Variants in PTPRG observed in about 807,000 individuals in gnomAD.
PTPRG encodes protein tyrosine phosphatase receptor type G, also known as receptor-type tyrosine-protein phosphatase gamma.
PTPRG carries 102 observed loss-of-function variants against 165.3 expected under a neutral mutation model. That is an observed-to-expected ratio of 0.62 (90% confidence interval 0.53 to 0.73). The LOEUF (loss-of-function observed/expected upper bound fraction) is 0.73. Ranked by LOEUF, PTPRG falls within the 30% of genes least tolerant of loss-of-function variation. The pLI, the probability that PTPRG is intolerant of heterozygous loss-of-function variation, is 0.00. For synonymous variants in PTPRG, 675 were observed against 669.5 expected, an observed-to-expected ratio of 1.01 and a Z score of -0.13; for missense variants, 1,866 against 1,861.4, an observed-to-expected ratio of 1.00 and a Z score of -0.05.
chr3:61,665,823 A>G (rs1702797192), intron 1 of PTPRG, among the ~76,000 whole-genome samples: 1 of 152,132 alleles, frequency 6.6e-6, no homozygotes, highest in African/African-American at 2.4e-5. Flanking sequence ...ATGATACCCC[A>G]TTTCTTAAAG....
At position 62,067,489 on chromosome 3, in the gene PTPRG, T is replaced by C. The variant is rs556174242; in HGVS notation, c.520-10674T>C. On this transcript the variant is annotated intron_variant, in intron 4 of 29. Coordinates refer to ENST00000474889, the MANE Select transcript of PTPRG (RefSeq NM_002841.4). ...GTTTCAGGATGAGTCACTTGCATTG[T>C]ATTTATTGTGCACTTTATTTCTATT... Among the ~76,000 whole-genome samples the C allele has an allele frequency of 2.5e-4, 38 of 152,188 alleles. 1 individual carries two copies. The highest frequency in any genetic ancestry group is 2.6e-4 in the Admixed American group (4 of 15,276).
At chr3:62,238,983 C>T (rs1338394600) in intron 14 of PTPRG, among the ~76,000 whole-genome samples, 2 of 152,128 alleles carry the variant, frequency 1.3e-5, no homozygotes, top group African/African-American at 4.8e-5. Context: ...TCTTAAAGGG[C>T]ACAGACAGCA....
chr3:61,967,833 A>G (rs2040303849), intron 2 of PTPRG, among the ~76,000 whole-genome samples: 1 of 152,250 alleles, frequency 6.6e-6, no homozygotes, highest in Non-Finnish European at 1.5e-5. Flanking sequence ...AGATGTATAT[A>G]TAAACAAAAG....
intron 1 of PTPRG, among the ~76,000 whole-genome samples, chr3:61,720,188 ATCTT>A (rs1379137505): frequency 6.6e-6 from 1 of 151,100 alleles, no homozygotes; most frequent in African/African-American, 2.4e-5. Context: ...CAGTGGCAGG[ATCTT>A]GGCTCACCAC....
At chr3:61,630,945 A>G (rs757311462) in intron 1 of PTPRG, among the ~76,000 whole-genome samples, 13 of 151,914 alleles carry the variant, frequency 8.6e-5, no homozygotes, top group Non-Finnish European at 1.6e-4. Flanking sequence ...AGTCCCAGCT[A>G]CTCGGGAGGG....
At chr3:61,782,436 A>G (rs192025241) in intron 2 of PTPRG, among the ~76,000 whole-genome samples, 2 of 152,378 alleles carry the variant, frequency 1.3e-5, no homozygotes, top group African/African-American at 4.8e-5. Flanking sequence ...AGTGTGAACC[A>G]TCAGCCAGGC....
chr3:61,742,403 A>AT (rs34010935), intron 1 of PTPRG: 93,408 of 727,688 alleles, frequency 0.13, 3,008 homozygotes, highest in Non-Finnish European at 0.14. Flanking sequence ...TGGGTCTGGA[A>AT]TTTTTTTTTT....
chr3:62,166,736 C>G (rs1263790371), intron 7 of PTPRG, among the ~76,000 whole-genome samples: 1 of 152,130 alleles, frequency 6.6e-6, no homozygotes, highest in Non-Finnish European at 1.5e-5. Flanking sequence ...GTCACCCAGA[C>G]TGGAGTGCAT....
At chr3:62,280,686 A>G (rs1387974164) in intron 26 of PTPRG, among the ~76,000 whole-genome samples, 4 of 152,056 alleles carry the variant, frequency 2.6e-5, no homozygotes, top group Admixed American at 2.0e-4. Context: ...AACTACCATA[A>G]GACCCAGCAG....
intron 1 of PTPRG, among the ~76,000 whole-genome samples, chr3:61,738,054 G>A (rs1175316217): frequency 2.0e-5 from 3 of 150,052 alleles, no homozygotes; most frequent in South Asian, 4.2e-4. Context: ...GACTACAGGC[G>A]CCCGCTACCG....
chr3:62,290,903 TGTATCAACTTGA>T (rs1477037105), intron 28 of PTPRG, among the ~76,000 whole-genome samples: 1 of 152,100 alleles, frequency 6.6e-6, no homozygotes, highest in Non-Finnish European at 1.5e-5. Context: ...AAATAAAAGA[TGTATCAACTTGA>T]TTACATCTAA....
intron 1 of PTPRG, among the ~76,000 whole-genome samples, chr3:61,615,716 A>G (rs936332906): frequency 6.6e-6 from 1 of 152,146 alleles, no homozygotes; most frequent in Admixed American, 6.5e-5. Context: ...GTCTGTTACC[A>G]TCATTATTTT....
At position 62,019,017 on chromosome 3, in the gene PTPRG, A is replaced by G. The variant is rs190628413; in HGVS notation, c.519+15520A>G. Among the ~76,000 whole-genome samples, 310 of 152,302 alleles carry G rather than the reference A, an allele frequency of 2.0e-3. 3 individuals carry two copies. Among genetic ancestry groups the G allele is most frequent in the African/African-American group, 6.9e-3 (288 of 41,570 alleles). On this transcript the variant is annotated intron_variant, in intron 4 of 29. Coordinates refer to ENST00000474889, the MANE Select transcript of PTPRG (RefSeq NM_002841.4). ...ATCAACTTGGTCTTTGGGGTCCCAG[A>G]ATGAAACCAGGACCTGCAGAAGCTG... is the stretch of plus-strand genomic sequence containing the variant.
Position 61,989,796 on chromosome 3 carries a change from G to C in PTPRG, c.362G>C (p.Gly121Ala). The C allele has an allele frequency of 6.2e-7, 1 of 1,613,828 alleles. No homozygotes were observed. The highest frequency in any genetic ancestry group is 8.5e-7 in the Non-Finnish European group (1 of 1,179,904). Reference sequence around the variant, plus strand: ...AACAAAACCTGGATGAAAAACACAGGGAAAACAGGTAGACAATGGCTTCTT... The same window carrying C: ...AACAAAACCTGGATGAAAAACACAGCGAAAACAGGTAGACAATGGCTTCTT... ...SSNKTWMKNTGKTVAILLKDD... is the reference protein window; with the variant it reads ...SSNKTWMKNTAKTVAILLKDD... The change falls in exon 3 of 30, where the codon GGG becomes GCG. Residue 121 changes from glycine (G) to alanine (A), a missense_variant. Around this residue, in one of 3 missense-constraint regions of PTPRG, gnomAD observed 408 missense variants for 376.2 expected, o/e 1.08. Coordinates refer to ENST00000474889, the MANE Select transcript of PTPRG (RefSeq NM_002841.4).
intron 2 of PTPRG, among the ~76,000 whole-genome samples, chr3:61,972,843 G>C (rs1358510691): frequency 6.8e-6 from 1 of 147,378 alleles, no homozygotes; most frequent in Non-Finnish European, 1.5e-5. Context: ...TTTTTTTGTA[G>C]AGACAGGGTC....
chr3:62,093,134 C>T (rs1023330330), intron 5 of PTPRG, among the ~76,000 whole-genome samples: 1 of 152,240 alleles, frequency 6.6e-6, no homozygotes, highest in East Asian at 1.9e-4. Flanking sequence ...TAGCTGCTTG[C>T]GTGATTCTAA....
chr3:61,801,623 C>A (rs1339426431), intron 2 of PTPRG, among the ~76,000 whole-genome samples: 3 of 152,030 alleles, frequency 2.0e-5, no homozygotes, highest in Non-Finnish European at 4.4e-5. Context: ...TCTGTGTTGG[C>A]CTCAGTGAGG....
At chr3:61,600,404 C>T (rs916044723) in intron 1 of PTPRG, among the ~76,000 whole-genome samples, 4 of 152,040 alleles carry the variant, frequency 2.6e-5, no homozygotes, top group East Asian at 1.9e-4. Flanking sequence ...TGTATCATTA[C>T]GTAAGACATG....
At chr3:62,266,075 A>G (rs1370465862) in intron 17 of PTPRG, among the ~76,000 whole-genome samples, 1 of 152,220 alleles carries the variant, frequency 6.6e-6, no homozygotes, top group East Asian at 1.9e-4. Flanking sequence ...CTAGAAAACC[A>G]TCATCTCTGG....
Sources: allele counts gnomAD v4.1 joint callset (sites outside exome capture counted in the v4.1 genomes callset), GRCh38; gene constraint gnomAD v4.1.1; regional missense constraint gnomAD v4.1.1; transcripts MANE v1.5; gene names NCBI Gene and HGNC (gene_info 2026-07-23, HGNC 2026-07-21).